Variants in FGF14 observed in about 807,000 individuals in gnomAD.
FGF14 encodes the protein fibroblast growth factor homologous factor 4.
FGF14 carries 5 observed loss-of-function variants against 25.5 expected under a neutral mutation model. The ratio of observed to expected loss-of-function variants is 0.20; its 90% CI spans 0.10 to 0.41. The LOEUF (loss-of-function observed/expected upper bound fraction) is 0.41, where lower values mean the gene tolerates loss of function less well. Ranked by LOEUF, FGF14 falls within the 10% of genes least tolerant of loss-of-function variation. FGF14 has a pLI of 1.00. For missense variants in FGF14, 222 were observed against 320.1 expected, an observed-to-expected ratio of 0.69 and a Z score of 2.34; for synonymous variants, 138 against 118.3, an observed-to-expected ratio of 1.17 and a Z score of -1.08.
intron 1 of FGF14, among the ~76,000 whole-genome samples, chr13:101,959,695 C>T (rs1243665804): frequency 1.3e-5 from 2 of 152,160 alleles, no homozygotes; most frequent in Admixed American, 6.5e-5. Context: ...AAGCCTATTA[C>T]TTTCTTCTGA....
At chr13:102,282,257 G>T (rs2053880278) in intron 1 of FGF14, among the ~76,000 whole-genome samples, 1 of 151,850 alleles carries the variant, frequency 6.6e-6, no homozygotes, top group South Asian at 2.1e-4. Context: ...GTAGAGATGG[G>T]GTTTCTCCAT....
At chr13:102,038,444 G>A (rs2041577386) in intron 1 of FGF14, among the ~76,000 whole-genome samples, 1 of 151,978 alleles carries the variant, frequency 6.6e-6, no homozygotes, top group Admixed American at 6.6e-5. Context: ...ATTTTCCAGG[G>A]AGCACCCGGG....
intron 3 of FGF14, among the ~76,000 whole-genome samples, chr13:101,768,123 T>C (rs1296368458): frequency 1.3e-5 from 2 of 152,038 alleles, no homozygotes; most frequent in East Asian, 1.9e-4. Context: ...GTACATAAGA[T>C]AAAATATCTA....
intron 3 of FGF14, among the ~76,000 whole-genome samples, chr13:101,788,814 G>GATT (rs2040002964): frequency 7.1e-6 from 1 of 141,582 alleles, no homozygotes; most frequent in Admixed American, 7.3e-5. Flanking sequence ...TTTTTCCCAG[G>GATT]ATTCTTCCTG....
At chr13:101,756,263 G>A (rs1245262530) in intron 3 of FGF14, among the ~76,000 whole-genome samples, 3 of 152,090 alleles carry the variant, frequency 2.0e-5, no homozygotes, top group Admixed American at 1.3e-4. Flanking sequence ...CTTTCTTTGT[G>A]TTTTAATAGA....
At chr13:102,166,388 T>C (rs1184307566) in intron 1 of FGF14, among the ~76,000 whole-genome samples, 2 of 152,110 alleles carry the variant, frequency 1.3e-5, no homozygotes, top group African/African-American at 4.8e-5. Flanking sequence ...TGCGGGACTT[T>C]CTCCGTCATT....
In FGF14 at chr13:102,193,574, G is replaced by A. The variant is rs138941866; in HGVS notation, c.208+207897C>T. Among the ~76,000 whole-genome samples, 556 of 152,252 alleles carry A rather than the reference G, an allele frequency of 3.7e-3. 3 individuals carry two copies. The highest frequency in any genetic ancestry group is 0.013 in the African/African-American group (530 of 41,538). On this transcript the variant is annotated intron_variant, in intron 1 of 4. Coordinates refer to the FGF14 transcript ENST00000376131. ...TCAACTGCCTACCAGTAAATTGAAG[G>A]CATGCACCTAACACACATGGAACTA...
At chr13:102,115,832 C>G (rs569922910) in intron 1 of FGF14, among the ~76,000 whole-genome samples, 6 of 152,246 alleles carry the variant, frequency 3.9e-5, no homozygotes, top group Non-Finnish European at 7.4e-5. Context: ...AAAAAAACAG[C>G]AGGGTGTGGC....
At chr13:102,122,749 G>C (rs780421788) in intron 1 of FGF14, among the ~76,000 whole-genome samples, 1 of 152,086 alleles carries the variant, frequency 6.6e-6, no homozygotes, top group Non-Finnish European at 1.5e-5. Flanking sequence ...AAAAATAAAT[G>C]ATAGCAAATA....
intron 1 of FGF14, among the ~76,000 whole-genome samples, chr13:102,111,653 C>A (rs996860573): frequency 2.0e-5 from 3 of 151,282 alleles, no homozygotes; most frequent in African/African-American, 7.3e-5. Context: ...GAGGTGGAGG[C>A]TGCAGTGAGC....
chr13:102,375,363 A>T (rs960674204), intron 1 of FGF14, among the ~76,000 whole-genome samples: 2 of 152,188 alleles, frequency 1.3e-5, no homozygotes, highest in African/African-American at 4.8e-5. Context: ...CACAGCGGTG[A>T]TCAAATCAGC....
At chr13:102,276,332 C>CGTGTGTGT (rs35937411) in intron 1 of FGF14, among the ~76,000 whole-genome samples, 1 of 108,462 alleles carries the variant, frequency 9.2e-6, no homozygotes, top group African/African-American at 3.7e-5. Context: ...CACACACGTA[C>CGTGTGTGT]GTGTGTGTGT....
intron 1 of FGF14, among the ~76,000 whole-genome samples, chr13:102,358,377 C>T (rs890022569): frequency 6.6e-6 from 1 of 152,202 alleles, no homozygotes. Flanking sequence ...TATTCCAATA[C>T]ATCCCAGTGA....
chr13:101,947,978 T>A (rs1443389851), intron 1 of FGF14, among the ~76,000 whole-genome samples: 1 of 152,164 alleles, frequency 6.6e-6, no homozygotes, highest in East Asian at 1.9e-4. Context: ...TTGATTCAAA[T>A]AAAATTTAAA....
chr13:101,762,343 T>C (rs1329267891), intron 3 of FGF14, among the ~76,000 whole-genome samples: 1 of 152,174 alleles, frequency 6.6e-6, no homozygotes, highest in African/African-American at 2.4e-5. Flanking sequence ...TCTAACCCCA[T>C]TGTGCAAAAT....
intron 1 of FGF14, among the ~76,000 whole-genome samples, chr13:101,941,007 A>C (rs74583697): frequency 6.6e-6 from 1 of 152,216 alleles, no homozygotes; most frequent in Non-Finnish European, 1.5e-5. Flanking sequence ...AGAAAAAAAA[A>C]CAAGTCTTGA....
In FGF14 at chr13:102,086,193, G is replaced by A. The variant is rs115009453; in HGVS notation, c.209-210897C>T. 1.6e-3 allele frequency among the ~76,000 whole-genome samples: 239 copies of A among 152,248 alleles called. 2 individuals carry two copies. Among genetic ancestry groups the A allele is most frequent in the African/African-American group, 5.3e-3 (221 of 41,544 alleles). On this transcript the variant is annotated intron_variant, in intron 1 of 4. Coordinates refer to the FGF14 transcript ENST00000376131. ...TCTATAGTTACTCTCAACTTTAAAT[G>A]CAATTTGCTAATTTCAACTCCAAAT...
intron 1 of FGF14, among the ~76,000 whole-genome samples, chr13:101,948,697 G>C (rs928022107): frequency 2.6e-5 from 4 of 151,546 alleles, no homozygotes; most frequent in Non-Finnish European, 5.9e-5. Context: ...AAAAATGAGT[G>C]GTAAATAAAA....
At chr13:102,206,195 G>A (rs546916765) in intron 1 of FGF14, among the ~76,000 whole-genome samples, 2 of 151,530 alleles carry the variant, frequency 1.3e-5, no homozygotes, top group African/African-American at 2.4e-5. Flanking sequence ...TTCAGAGCAA[G>A]TTGGGTGTAC....
Sources: gnomAD v4.1 joint callset for allele counts (sites outside exome capture counted in the v4.1 genomes callset) on GRCh38, gnomAD v4.1.1 for gene constraint, MANE v1.5 for transcripts, NCBI Gene and HGNC (gene_info 2026-07-23, HGNC 2026-07-21) for gene names.